GRAMD1B: variants seen among roughly 807,000 people sequenced by gnomAD.
GRAMD1B encodes protein Aster-B.
In GRAMD1B, 37 loss-of-function variants were observed where a neutral mutation model predicts 99.7. The ratio of observed to expected loss-of-function variants is 0.37; its 90% CI spans 0.29 to 0.49. The LOEUF is 0.49. GRAMD1B is among the 20% of genes least tolerant of loss of function. GRAMD1B has a pLI of 0.98. For synonymous variants in GRAMD1B, 427 were observed against 387.6 expected (o/e 1.10, Z -1.19); for missense variants, 888 against 1,009.2 (o/e 0.88, Z 1.63).
intron 1 of GRAMD1B, among the ~76,000 whole-genome samples, chr11:123,387,110 G>T (rs950211211): frequency 6.6e-6 from 1 of 152,178 alleles, no homozygotes; most frequent in African/African-American, 2.4e-5. Context: ...TTTCAGAAAG[G>T]AGGTGAGATG....
At chr11:123,595,072 T>C (rs1014058863) in intron 6 of GRAMD1B, among the ~76,000 whole-genome samples, 3 of 152,158 alleles carry the variant, frequency 2.0e-5, no homozygotes, top group East Asian at 1.9e-4. Flanking sequence ...CTGGGAACAT[T>C]TGCTTTTGTC....
At chr11:123,481,229 CG>C (rs1414449167) in intron 2 of GRAMD1B, among the ~76,000 whole-genome samples, 1 of 151,940 alleles carries the variant, frequency 6.6e-6, no homozygotes, top group African/African-American at 2.4e-5. Context: ...TCGAGGCGGG[CG>C]GATCACTTGA....
rs538255309 is a variant in GRAMD1B, at chr11:123,499,696, C to T, written c.452+18803C>T. 3.9e-5 allele frequency among the ~76,000 whole-genome samples: 6 copies of T among 152,210 alleles called. No individual in the cohort carries two copies. The South Asian group carries it at 1.2e-3, about 32-fold the overall frequency. ...GAGATGTGGAGAAACCCATTTTGAC[C>T]CTGATTCAAATGGTGGTGGGGTGGG... On this transcript the variant is annotated intron_variant, in intron 2 of 19. Coordinates refer to ENST00000635736, the MANE Select transcript of GRAMD1B (RefSeq NM_001387025.1).
intron 1 of GRAMD1B, among the ~76,000 whole-genome samples, chr11:123,410,114 G>A (rs368959970): frequency 6.6e-6 from 1 of 152,146 alleles, no homozygotes; most frequent in Non-Finnish European, 1.5e-5. Context: ...GAGACTATGA[G>A]GTTTATGATT....
intron 2 of GRAMD1B, among the ~76,000 whole-genome samples, chr11:123,555,367 G>C (rs1490968181): frequency 6.6e-6 from 1 of 152,068 alleles, no homozygotes; most frequent in Non-Finnish European, 1.5e-5. Context: ...ATAATTTTTT[G>C]AGACAGAGTC....
chr11:123,510,925 G>C lies in GRAMD1B; in HGVS notation c.452+30032G>C, dbSNP rs1027271406. On this transcript the variant is annotated intron_variant, in intron 2 of 19. Coordinates refer to ENST00000635736, the MANE Select transcript of GRAMD1B (RefSeq NM_001387025.1). The surrounding 1 kb of genome is among the most constrained non-coding windows in gnomAD (Gnocchi z 4.3). ...CCCACCTTGGTGTGCTTGGAAGTCG[G>C]AGTGGGTGGATGAGGGGTGCAGGGT... is the stretch of plus-strand genomic sequence containing the variant. 1.3e-5 allele frequency among the ~76,000 whole-genome samples: 2 copies of C among 152,160 alleles called. No homozygotes were observed. The highest frequency in any genetic ancestry group is 4.8e-5 in the African/African-American group (2 of 41,444).
At chr11:123,498,131 A>G (rs989715726) in intron 2 of GRAMD1B, among the ~76,000 whole-genome samples, 3 of 152,166 alleles carry the variant, frequency 2.0e-5, no homozygotes, top group African/African-American at 7.2e-5. Context: ...CCTTCAGGGC[A>G]GTGAGCTCCC....
At chr11:123,569,943 C>G (rs994798126) in intron 2 of GRAMD1B, among the ~76,000 whole-genome samples, 5 of 152,208 alleles carry the variant, frequency 3.3e-5, no homozygotes, top group Non-Finnish European at 1.5e-5. Context: ...CGGGTTCTGC[C>G]TACACCTGAT....
chr11:123,514,436 A>C (rs577353256), intron 2 of GRAMD1B, among the ~76,000 whole-genome samples: 1 of 152,316 alleles, frequency 6.6e-6, no homozygotes, highest in East Asian at 1.9e-4. Flanking sequence ...GTTCACCATC[A>C]ATACGCTGGG....
rs951114331 is a variant in GRAMD1B, at chr11:123,560,428, C to T, written c.453-16939C>T. On this transcript the variant is annotated intron_variant, in intron 2 of 19. Coordinates refer to ENST00000635736, the MANE Select transcript of GRAMD1B (RefSeq NM_001387025.1). ...GGGAGTCATGCTTAAAATGCTACAGCGGTGTGAAACAGCAGAGCAAAGAAG... is the reference window on the plus strand; with the variant it reads ...GGGAGTCATGCTTAAAATGCTACAGTGGTGTGAAACAGCAGAGCAAAGAAG... The T allele has an allele frequency of 6.7e-6, 8 of 1,186,260 alleles. No homozygotes were observed. The African/African-American group carries it at 8.0e-5, about 12-fold the overall frequency. The allele number at this position is 1,186,260 out of a possible 1,614,324, so 73.5% of individuals were successfully genotyped here.
chr11:123,598,612 G>A (rs1007829698), intron 7 of GRAMD1B: 24 of 1,462,192 alleles, frequency 1.6e-5, no homozygotes, highest in South Asian at 6.8e-5. Flanking sequence ...CTCTGGGCTC[G>A]CTCTTCTGGG....
At position 123,608,727 on chromosome 11, in the gene GRAMD1B, G is replaced by T; in HGVS notation, c.1582G>T (p.Val528Leu). 1 of 1,556,310 alleles carries T rather than the reference G, an allele frequency of 6.4e-7. No individual in the cohort carries two copies. ...QYVNEVFNFS[V>L]DKLYDLLFTN... ...CGTGAATGAAGTCTTCAACTTCAGC[G>T]TGGACAAGCTCTATGACCTCCTCTT... is the stretch of plus-strand genomic sequence containing the variant. Residue 528 changes from valine (V) to leucine (L), a missense_variant, in exon 12 of 20, where the codon GTG (valine) becomes TTG (leucine). Around this residue, in one of 5 missense-constraint regions of GRAMD1B, gnomAD observed 269 missense variants for 296.6 expected, o/e 0.91. Coordinates refer to ENST00000635736, the MANE Select transcript of GRAMD1B (RefSeq NM_001387025.1).
chr11:123,584,098 G>T (rs901234038), intron 3 of GRAMD1B, among the ~76,000 whole-genome samples: 2 of 151,874 alleles, frequency 1.3e-5, no homozygotes, highest in South Asian at 4.1e-4. Context: ...CCCCGCCCGC[G>T]GTGGGCTTCC....
chr11:123,469,203 G>C (rs145630260), intron 1 of GRAMD1B, among the ~76,000 whole-genome samples: 7 of 152,244 alleles, frequency 4.6e-5, no homozygotes, highest in Non-Finnish European at 1.0e-4. Flanking sequence ...TTATGAGGCT[G>C]TTACTGCTCA....
chr11:123,561,612 C>G (rs906375863), intron 2 of GRAMD1B, among the ~76,000 whole-genome samples: 1 of 152,198 alleles, frequency 6.6e-6, no homozygotes, highest in African/African-American at 2.4e-5. Context: ...CTTGCTCTGT[C>G]CCCGGGGCCT....
chr11:123,576,917 A>G (rs1441608246), intron 2 of GRAMD1B, among the ~76,000 whole-genome samples: 3 of 152,222 alleles, frequency 2.0e-5, no homozygotes, highest in Non-Finnish European at 4.4e-5. Context: ...TAGGATTGTA[A>G]TTGTTATTTT....
Position 123,474,811 on chromosome 11 carries a change from A to G in GRAMD1B, c.375-6005A>G, listed in dbSNP as rs79846656. On this transcript the variant is annotated intron_variant, in intron 1 of 19. Transcript: ENST00000635736. ...GCATGAGATAATTGATACTAACAGG[A>G]GAGATTGCCTCAGTTGCAGCCAGAA... Among the ~76,000 whole-genome samples the G allele has an allele frequency of 5.0e-3, 766 of 152,322 alleles. 5 individuals carry two copies. The highest frequency in any genetic ancestry group is 0.018 in the African/African-American group (730 of 41,562).
intron 1 of GRAMD1B, among the ~76,000 whole-genome samples, chr11:123,421,153 A>G (rs1254782765): frequency 1.3e-5 from 2 of 152,240 alleles, no homozygotes; most frequent in Non-Finnish European, 2.9e-5. Context: ...CACATGCAGG[A>G]ATCCTGTTTA....
chr11:123,580,189 G>C (rs912647866), intron 3 of GRAMD1B, among the ~76,000 whole-genome samples: 7 of 152,318 alleles, frequency 4.6e-5, no homozygotes, highest in Admixed American at 4.6e-4. Flanking sequence ...CCATTGCATT[G>C]GCCTGGGACG....
Sources: gnomAD v4.1 joint callset for allele counts (sites outside exome capture counted in the v4.1 genomes callset) on GRCh38, gnomAD v4.1.1 for gene constraint, gnomAD v4.1.1 regional missense constraint, Gnocchi (gnomAD v3.1) non-coding constraint, MANE v1.5 for transcripts, NCBI Gene and HGNC (gene_info 2026-07-23, HGNC 2026-07-21) for gene names.